The following ENOX1 variants were observed in gnomAD, a reference collection of about 807,000 sequenced individuals.
The protein encoded by ENOX1 is ecto-NOX disulfide-thiol exchanger 1.
ENOX1 carries 42 observed loss-of-function variants against 82.5 expected under a neutral mutation model. That is an observed-to-expected ratio of 0.51 (90% CI 0.40 to 0.66). The LOEUF (loss-of-function observed/expected upper bound fraction) is 0.66. Among genes scored for constraint, ENOX1 ranks in the 30% least tolerant of loss-of-function variants. ENOX1 has a pLI of 0.00. For missense variants in ENOX1, 608 were observed against 811.6 expected, an observed-to-expected ratio of 0.75 and a Z score of 3.05; for synonymous variants, 271 against 282.2, an observed-to-expected ratio of 0.96 and a Z score of 0.40.
intron 3 of ENOX1, among the ~76,000 whole-genome samples, chr13:43,425,097 G>C (rs1206112424): frequency 6.6e-6 from 1 of 152,156 alleles, no homozygotes; most frequent in Non-Finnish European, 1.5e-5. Context: ...GGCACAGAAA[G>C]GTGGTTCCAA....
intron 1 of ENOX1, among the ~76,000 whole-genome samples, chr13:43,743,722 A>T (rs1468448423): frequency 6.6e-6 from 1 of 152,218 alleles, no homozygotes; most frequent in Non-Finnish European, 1.5e-5. Flanking sequence ...GTAAAAATGG[A>T]TGAATTTCTT....
rs188673547 is a variant in ENOX1, at chr13:43,560,170, T to C, written c.-218-76018A>G. Among the ~76,000 whole-genome samples, 6 of 152,350 alleles carry C rather than the reference T, an allele frequency of 3.9e-5. No homozygotes were observed. The East Asian group carries it at 1.2e-3, about 29-fold the overall frequency. ...AATATTCATGCAACATTGTTCTGTA[T>C]CATTGACATAGATGGGTTTGTTCTT... On this transcript the variant is annotated intron_variant, in intron 2 of 16. Transcript: ENST00000690772.
chr13:43,620,723 G>GT (rs1262484453), intron 2 of ENOX1, among the ~76,000 whole-genome samples: 3 of 152,152 alleles, frequency 2.0e-5, no homozygotes, highest in African/African-American at 7.2e-5. Context: ...GTATTCTGCG[G>GT]TTGTCGGATG....
At chr13:43,269,349 G>C (rs1158157688) in intron 13 of ENOX1, 121 bp downstream of exon 13, 2 of 755,338 alleles carry the variant, frequency 2.6e-6, no homozygotes, top group African/African-American at 3.5e-5. Flanking sequence ...AGTTTGACAG[G>C]GTTCAGACTA....
intron 5 of ENOX1, 71 bp from the exon 6 acceptor site, chr13:43,361,523 C>T (rs2153560394): frequency 7.0e-7 from 1 of 1,426,764 alleles, no homozygotes; most frequent in East Asian, 2.4e-5. Context: ...TGCCATTTTC[C>T]TGTGGATTAT....
chr13:43,272,609 G>T (rs990375949), intron 12 of ENOX1, among the ~76,000 whole-genome samples: 1 of 152,066 alleles, frequency 6.6e-6, no homozygotes, highest in South Asian at 2.1e-4. Flanking sequence ...CTAGCTATAG[G>T]GGTTTATTTA....
At chr13:43,460,819 AAAAAAAAAAAAT>A (rs1186784304) in intron 3 of ENOX1, among the ~76,000 whole-genome samples, 697 of 20,652 alleles carry the variant, frequency 0.034, 122 homozygotes, top group African/African-American at 0.093. Flanking sequence ...AAAAAAAAAA[AAAAAAAAAAAAT>A]AGGGATAGCT....
At chr13:43,637,431 C>T (rs1259493174) in intron 2 of ENOX1, among the ~76,000 whole-genome samples, 1 of 152,102 alleles carries the variant, frequency 6.6e-6, no homozygotes, top group African/African-American at 2.4e-5. Flanking sequence ...ACAGATGATA[C>T]CAAAAATTAA....
chr13:43,348,980 T>TATATACTG (rs1386263765), intron 8 of ENOX1, among the ~76,000 whole-genome samples: 1 of 152,234 alleles, frequency 6.6e-6, no homozygotes, highest in Non-Finnish European at 1.5e-5. Context: ...TGTTCAGTAC[T>TATATACTG]ATCCATGGTT....
chr13:43,255,314 A>G (rs2043683745), intron 14 of ENOX1, among the ~76,000 whole-genome samples: 1 of 152,148 alleles, frequency 6.6e-6, no homozygotes, highest in Non-Finnish European at 1.5e-5. Context: ...ATGACCATAT[A>G]TGACAAACAC....
intron 8 of ENOX1, among the ~76,000 whole-genome samples, chr13:43,347,138 T>C (rs575515016): frequency 6.6e-6 from 1 of 152,214 alleles, no homozygotes; most frequent in Non-Finnish European, 1.5e-5. Context: ...ACTTCAATTT[T>C]AAAAATGCAT....
chr13:43,231,696 A>G (rs999839136), intron 15 of ENOX1, among the ~76,000 whole-genome samples: 8 of 152,298 alleles, frequency 5.3e-5, no homozygotes, highest in Non-Finnish European at 8.8e-5. Context: ...AGGCATCTGT[A>G]GCATAAGTAG....
intron 2 of ENOX1, among the ~76,000 whole-genome samples, chr13:43,514,249 T>C (rs1020081079): frequency 2.0e-5 from 3 of 152,210 alleles, no homozygotes; most frequent in Non-Finnish European, 4.4e-5. Flanking sequence ...TTTTTGTTTT[T>C]AGTCCTAAAT....
At chr13:43,571,237 G>T (rs1397746842) in intron 2 of ENOX1, among the ~76,000 whole-genome samples, 1 of 152,086 alleles carries the variant, frequency 6.6e-6, no homozygotes, top group African/African-American at 2.4e-5. Context: ...AGTCCAAGTG[G>T]TCACAGATGT....
chr13:43,559,098 G>C (rs2079561283), intron 2 of ENOX1, among the ~76,000 whole-genome samples: 1 of 152,132 alleles, frequency 6.6e-6, no homozygotes, highest in East Asian at 1.9e-4. Context: ...TATTCAGTCA[G>C]CTAAATCTGG....
intron 1 of ENOX1, among the ~76,000 whole-genome samples, chr13:43,725,834 G>A (rs566748805): frequency 6.6e-6 from 1 of 151,752 alleles, no homozygotes; most frequent in Admixed American, 6.6e-5. Flanking sequence ...AGGCATGGTG[G>A]TACATACCTG....
intron 5 of ENOX1, among the ~76,000 whole-genome samples, chr13:43,368,356 T>C (rs1245049009): frequency 6.6e-6 from 1 of 152,158 alleles, no homozygotes; most frequent in Non-Finnish European, 1.5e-5. Context: ...GTGTCCATGT[T>C]TGAAAATATG....
At chr13:43,370,686 A>G (rs2051178334) in intron 5 of ENOX1, among the ~76,000 whole-genome samples, 1 of 152,116 alleles carries the variant, frequency 6.6e-6, no homozygotes, top group African/African-American at 2.4e-5. Context: ...TGTTTCTTTT[A>G]ATGGCACCAC....
chr13:43,564,315 T>C (rs1008828918), intron 2 of ENOX1, among the ~76,000 whole-genome samples: 11 of 152,006 alleles, frequency 7.2e-5, no homozygotes, highest in Non-Finnish European at 1.5e-4. Context: ...AAAATGCCAA[T>C]TACATTCTTC....
Sources: gnomAD v4.1 joint callset for allele counts (sites outside exome capture counted in the v4.1 genomes callset) on GRCh38, gnomAD v4.1.1 for gene constraint, MANE v1.5 for transcripts, NCBI Gene and HGNC (gene_info 2026-07-23, HGNC 2026-07-21) for gene names.